PLEKHG1: variants seen among roughly 807,000 people sequenced by gnomAD.
PLEKHG1 encodes pleckstrin homology and RhoGEF domain containing G1.
A neutral mutation model predicts 100.8 loss-of-function variants in PLEKHG1; 44 were observed. That is an observed-to-expected ratio of 0.44 (90% CI 0.34 to 0.56). The LOEUF is 0.56. Ranked by LOEUF, PLEKHG1 falls within the 20% of genes least tolerant of loss-of-function variation. The pLI is 0.01. For synonymous variants in PLEKHG1, 640 were observed against 662.5 expected, an observed-to-expected ratio of 0.97 and a Z score of 0.52; for missense variants, 1,545 against 1,720.9, an observed-to-expected ratio of 0.90 and a Z score of 1.81.
chr6:150,674,633 C>CTCTCTCTCTCTT (rs1779684195), intron 3 of PLEKHG1, among the ~76,000 whole-genome samples: 1 of 42,122 alleles, frequency 2.4e-5, no homozygotes, highest in Non-Finnish European at 4.7e-5. Flanking sequence ...TCTCTCCTCC[C>CTCTCTCTCTCTT]TCTCTCTCTC....
At chr6:150,624,422 T>C (rs1389745490) in intron 1 of PLEKHG1, among the ~76,000 whole-genome samples, 1 of 152,168 alleles carries the variant, frequency 6.6e-6, no homozygotes, top group Non-Finnish European at 1.5e-5. Context: ...TTACTCTTCA[T>C]GAGTAAAGGA....
At chr6:150,759,316 G>T (rs912442906) in intron 2 of PLEKHG1, among the ~76,000 whole-genome samples, 4 of 152,204 alleles carry the variant, frequency 2.6e-5, no homozygotes, top group Non-Finnish European at 5.9e-5. Context: ...TTCAGATATA[G>T]CCTGTGATGA....
chr6:150,815,279 G>T (rs1373767566), intron 10 of PLEKHG1, among the ~76,000 whole-genome samples: 2 of 152,148 alleles, frequency 1.3e-5, no homozygotes, highest in African/African-American at 4.8e-5. Flanking sequence ...CCTCCCAGCT[G>T]CCTTCCGTTC....
At chr6:150,707,700 A>T (rs981428174) in intron 3 of PLEKHG1, among the ~76,000 whole-genome samples, 15 of 152,112 alleles carry the variant, frequency 9.9e-5, no homozygotes, top group African/African-American at 3.4e-4. Context: ...TGATTGTTTA[A>T]ACTTGGGTCA....
intron 12 of PLEKHG1, among the ~76,000 whole-genome samples, chr6:150,820,018 T>C (rs1362147672): frequency 1.3e-5 from 2 of 151,520 alleles, no homozygotes; most frequent in African/African-American, 4.9e-5. Context: ...GAAACCAGCC[T>C]GGCCAACTGG....
intron 1 of PLEKHG1, among the ~76,000 whole-genome samples, chr6:150,634,280 G>GAAAA (rs10693410): frequency 6.9e-6 from 1 of 144,962 alleles, no homozygotes; most frequent in African/African-American, 2.6e-5. Context: ...AGAGGAAGAA[G>GAAAA]AAAAAAAAAA....
chr6:150,807,223 G>T (rs915190947), intron 7 of PLEKHG1, among the ~76,000 whole-genome samples: 1 of 152,096 alleles, frequency 6.6e-6, no homozygotes, highest in Non-Finnish European at 1.5e-5. Flanking sequence ...GTATTTGTAG[G>T]GAAAACATAG....
At chr6:150,734,019 A>G in exon 2 of PLEKHG1, 2 of 1,614,160 alleles carry the variant, frequency 1.2e-6, no homozygotes, top group East Asian at 2.2e-5. Flanking sequence ...AAGCTCCTCT[A>G]TGTGGATAGA....
chr6:150,610,293 G>C (rs907283684), intron 1 of PLEKHG1, among the ~76,000 whole-genome samples: 3 of 152,258 alleles, frequency 2.0e-5, no homozygotes, highest in Middle Eastern at 6.8e-3. Context: ...GTGGAGATGG[G>C]GTTTCACCAT....
intron 7 of PLEKHG1, among the ~76,000 whole-genome samples, chr6:150,807,498 T>G (rs1392762064): frequency 2.0e-5 from 3 of 152,236 alleles, no homozygotes; most frequent in Admixed American, 6.5e-5. Flanking sequence ...TGCTTGTGAA[T>G]ATTTTCATTT....
At chr6:150,701,309 G>C (rs1780762238) in intron 3 of PLEKHG1, among the ~76,000 whole-genome samples, 1 of 142,968 alleles carries the variant, frequency 7.0e-6, no homozygotes, top group African/African-American at 2.5e-5. Flanking sequence ...AACAGAGTGA[G>C]ACTCTATCTC....
chr6:150,801,361 A>C (rs550413158), intron 6 of PLEKHG1, among the ~76,000 whole-genome samples: 2 of 151,818 alleles, frequency 1.3e-5, no homozygotes, highest in African/African-American at 4.8e-5. Context: ...ATTATTTTCC[A>C]CTACTTTTGC....
intron 3 of PLEKHG1, among the ~76,000 whole-genome samples, chr6:150,691,915 A>G (rs539928380): frequency 2.6e-4 from 39 of 152,358 alleles, no homozygotes; most frequent in Middle Eastern, 3.4e-3. Context: ...GTTCTACCCA[A>G]ACTGTGTTTC....
intron 14 of PLEKHG1, among the ~76,000 whole-genome samples, chr6:150,825,192 C>T (rs1776528223): frequency 6.6e-6 from 1 of 152,170 alleles, no homozygotes; most frequent in Admixed American, 6.5e-5. Flanking sequence ...AGAAAACATC[C>T]ATGCTTTTTT....
At chr6:150,792,693 A>AAC (rs35439832) in intron 4 of PLEKHG1, among the ~76,000 whole-genome samples, 36,597 of 151,686 alleles carry the variant, frequency 0.24, 4,732 homozygotes, top group East Asian at 0.39. Flanking sequence ...ACAACAACAA[A>AAC]AAAAAACCAC....
rs913160564 is a variant in PLEKHG1 at position 150,735,600 on chromosome 6, G to A, written c.411+1508G>A. ...TGATGGTCAACCGAAACAATATGTG[G>A]TACCAAATGTAGAATAAAGTAGGCC... On this transcript the variant is annotated intron_variant, in intron 2 of 15. Coordinates refer to ENST00000358517, the Ensembl canonical transcript of PLEKHG1. Among the ~76,000 whole-genome samples the A allele has an allele frequency of 9.2e-5, 14 of 152,300 alleles. No homozygotes were observed. In the East Asian group the frequency reaches 2.1e-3, roughly 23 times the overall value.
rs796494545 is a variant in PLEKHG1, at chr6:150,615,774, C to T, written c.-204+15757C>T. Among the ~76,000 whole-genome samples, 16 of 152,246 alleles carry T rather than the reference C, an allele frequency of 1.1e-4. 2 individuals carry two copies. The highest frequency in any genetic ancestry group is 3.9e-4 in the African/African-American group (16 of 41,532). Reference sequence around the variant, plus strand: ...GGAGGAGGTGGTTAGGAAGCTTTACCTATGGTTCCCATTGGCCTCCTGCCT... The same window carrying T: ...GGAGGAGGTGGTTAGGAAGCTTTACTTATGGTTCCCATTGGCCTCCTGCCT... On this transcript the variant is annotated intron_variant, in intron 1 of 3. Transcript: ENST00000367326.
chr6:150,778,023 C>T (rs574995417), intron 3 of PLEKHG1, among the ~76,000 whole-genome samples: 1 of 152,350 alleles, frequency 6.6e-6, no homozygotes, highest in East Asian at 1.9e-4. Flanking sequence ...GAGATGTCTT[C>T]CTCTATCCCA....
At chr6:150,812,736 A>G (rs1787605255) in intron 10 of PLEKHG1, among the ~76,000 whole-genome samples, 1 of 152,074 alleles carries the variant, frequency 6.6e-6, no homozygotes, top group Non-Finnish European at 1.5e-5. Flanking sequence ...AGGAGGAGGA[A>G]GGTGGGAGAG....
Sources: allele counts gnomAD v4.1 joint callset (sites outside exome capture counted in the v4.1 genomes callset), GRCh38; gene constraint gnomAD v4.1.1; transcripts MANE v1.5; gene names NCBI Gene and HGNC (gene_info 2026-07-23, HGNC 2026-07-21).